The following METTL6 variants were observed in gnomAD, a reference collection of about 807,000 sequenced individuals.
The protein encoded by METTL6 is tRNA N(3)-cytidine methyltransferase METTL6.
In METTL6, 22 loss-of-function variants were observed where a neutral mutation model predicts 26.4. That is an observed-to-expected ratio of 0.83 (90% CI 0.59 to 1.19). The LOEUF is 1.19. Ranked by LOEUF, METTL6 falls within the 50% of genes most tolerant of loss-of-function variation. The pLI is 0.00. For missense variants in METTL6, 304 were observed against 324.8 expected (o/e 0.94, Z 0.49); for synonymous variants, 109 against 116.2 (o/e 0.94, Z 0.40).
intron 4 of METTL6, chr3:15,415,531 G>A (rs767994240): frequency 1.3e-6 from 2 of 1,597,046 alleles, no homozygotes; most frequent in African/African-American, 1.3e-5. Context: ...CCAGGTAACT[G>A]CAAAATCATC....
At chr3:15,415,608 G>A in intron 4 of METTL6, 164 bp downstream of exon 4, 2 of 1,608,728 alleles carry the variant, frequency 1.2e-6, no homozygotes, top group Non-Finnish European at 1.7e-6. Context: ...ATTTAGGGTG[G>A]ATGTTTTATG....
At chr3:15,420,990 G>A (rs2061600495) in intron 3 of METTL6, among the ~76,000 whole-genome samples, 1 of 152,172 alleles carries the variant, frequency 6.6e-6, no homozygotes, top group Non-Finnish European at 1.5e-5. Flanking sequence ...ACTATCCTCT[G>A]GGAGTGACCT....
chr3:15,411,404 T>C lies in METTL6; in HGVS notation c.707A>G (p.Tyr236Cys), dbSNP rs765508193. 1.1e-5 allele frequency: 18 copies of C among 1,614,032 alleles called. No homozygotes were observed. Among genetic ancestry groups the C allele is most frequent in the Non-Finnish European group, 1.4e-5 (17 of 1,180,030 alleles). The part of the protein sequence containing the change: ...FLAQLFMDTG[Y>C]EEVVNEYVFR... ...CACATACTCGTTTACCACTTCTTCA[T>C]AACCTGTGTCCATAAAGAGCTGAGC... Residue 236 changes from tyrosine (Y) to cysteine (C), a missense_variant, in exon 6 of 6, where the codon TAT becomes TGT. Tyr to Cys is a radical substitution (Grantham distance 194). Transcript: ENST00000383790.
intron 6 of METTL6, among the ~76,000 whole-genome samples, chr3:15,396,388 C>T (rs1699488201): frequency 1.3e-5 from 2 of 152,202 alleles, no homozygotes; most frequent in South Asian, 4.1e-4. Context: ...GTTAGCCATT[C>T]GTCTAATCTT....
rs549312965 is a variant in METTL6, at chr3:15,411,386, T to C, written c.725A>G (p.Glu242Gly). 4 of 1,614,148 alleles carry C rather than the reference T, an allele frequency of 2.5e-6. No homozygotes were observed. The highest frequency in any genetic ancestry group is 2.7e-5 in the African/African-American group (2 of 75,030). ...MDTGYEEVVNEYVFRETVNKK... is the reference protein window; with the variant it reads ...MDTGYEEVVNGYVFRETVNKK... ...ATTCACCGTCTCTCGAAACACATAC[T>C]CGTTTACCACTTCTTCATAACCTGT... Residue 242 changes from glutamate to glycine, a missense_variant, in exon 6 of 6, where the codon GAG (glutamate) becomes GGG (glycine). Physicochemically the swap from Glu to Gly is moderately conservative, Grantham distance 98. Transcript: ENST00000383790.
chr3:15,422,029 C>T lies in METTL6; in HGVS notation c.360+2926G>A, dbSNP rs141115494. 2.1e-3 allele frequency among the ~76,000 whole-genome samples: 318 copies of T among 152,054 alleles called. 1 individual carries two copies. Among genetic ancestry groups the T allele is most frequent in the African/African-American group, 6.7e-3 (278 of 41,446 alleles). On this transcript the variant is annotated intron_variant, in intron 3 of 5. Coordinates refer to ENST00000383790, the MANE Select transcript of METTL6 (RefSeq NM_152396.4). ...TAATGTGGCTGAGTGTGGTGGCTCA[C>T]GCTTTTAATCCCAGCACTTTGGGAG...
downstream of METTL6, among the ~76,000 whole-genome samples, chr3:15,406,990 T>C (rs1293972782): frequency 1.3e-5 from 2 of 151,862 alleles, no homozygotes; most frequent in Non-Finnish European, 2.9e-5. Flanking sequence ...GAGGTCGGCA[T>C]GTCATTAAAC....
chr3:15,391,852 T>C (rs1699358062), intron 6 of METTL6, among the ~76,000 whole-genome samples: 1 of 152,188 alleles, frequency 6.6e-6, no homozygotes, highest in South Asian at 2.1e-4. Context: ...GGCTGCATAG[T>C]ATTCCATAGT....
At chr3:15,405,003 A>C (rs531099568), downstream of METTL6, among the ~76,000 whole-genome samples, 319 of 152,346 alleles carry the variant, frequency 2.1e-3, 1 homozygote, top group Non-Finnish European at 3.8e-3. Flanking sequence ...GAAATAGGGA[A>C]CCAAATGCTA....
At chr3:15,396,723 AGGTCTGTTG>A (rs1699499718) in intron 6 of METTL6, among the ~76,000 whole-genome samples, 2 of 152,318 alleles carry the variant, frequency 1.3e-5, no homozygotes, top group African/African-American at 4.8e-5. Context: ...CCTCAGCTAC[AGGTCTGTTG>A]GAGTTTGCCG....
At chr3:15,398,002 C>T (rs1052881664) in intron 6 of METTL6, among the ~76,000 whole-genome samples, 1 of 152,070 alleles carries the variant, frequency 6.6e-6, no homozygotes, top group African/African-American at 2.4e-5. Context: ...GATCATTTCC[C>T]ACATCCCTAT....
rs1575445247 is a variant in METTL6, at chr3:15,426,635, G to A, written c.-124C>T. On this transcript the variant is annotated splice_region_variant and 5_prime_UTR_variant, in exon 2 of 6. Transcript: ENST00000383790. ...TTTCACGCCTCAAACAGCACAGGGG[G>A]CTTCGCAGAGAAAAGAATTAGATTC... The A allele has an allele frequency of 1.6e-5, 13 of 815,970 alleles. No homozygotes were observed. The East Asian group carries it at 3.3e-4, about 21-fold the overall frequency. 50.5% of individuals were successfully genotyped at this position (815,970 alleles called of 1,614,324 possible). A position where few individuals can be genotyped will look rare whatever the true frequency, so the allele number is the denominator to read the frequency against.
chr3:15,381,661 G>A (rs1699085472), exon 7 of METTL6: 1 of 152,176 alleles, frequency 6.6e-6, no homozygotes, highest in South Asian at 2.1e-4. Flanking sequence ...ATAAGCAAAA[G>A]CAGTTAACCT....
chr3:15,422,718 G>A (rs945596794), intron 3 of METTL6, among the ~76,000 whole-genome samples: 1 of 152,134 alleles, frequency 6.6e-6, no homozygotes, highest in Non-Finnish European at 1.5e-5. Flanking sequence ...GATGGGGAAC[G>A]AGATACTTGC....
intron 5 of METTL6, among the ~76,000 whole-genome samples, chr3:15,412,713 C>T (rs1298019142): frequency 2.6e-5 from 4 of 151,838 alleles, no homozygotes; most frequent in Non-Finnish European, 4.4e-5. Flanking sequence ...TGGTCTCGAA[C>T]TCCTGAGCTC....
chr3:15,388,246 G>A (rs751046771), intron 6 of METTL6, among the ~76,000 whole-genome samples: 5 of 152,138 alleles, frequency 3.3e-5, no homozygotes, highest in Non-Finnish European at 7.3e-5. Context: ...GAGTAGCTGG[G>A]ATTACAGGCA....
In METTL6 at chr3:15,413,784, T is replaced by A. The variant is rs1047806570; in HGVS notation, c.673+237A>T. The A allele has an allele frequency of 3.1e-5, 45 of 1,453,938 alleles. No homozygotes were observed. The African/African-American group carries it at 5.0e-4, about 16-fold the overall frequency. 90.1% of individuals were successfully genotyped at this position (1,453,938 alleles called of 1,614,324 possible). Reference sequence around the variant, plus strand: ...CACATGGCATGTCAGAGGCTGTCCATTAACCCAAGCTCATTAGGGGAGTCA... The same window carrying A: ...CACATGGCATGTCAGAGGCTGTCCAATAACCCAAGCTCATTAGGGGAGTCA... On this transcript the variant is annotated intron_variant, in intron 5 of 5. Transcript: ENST00000383790.
intron 4 of METTL6, chr3:15,414,504 C>T (rs535648886): frequency 5.4e-5 from 17 of 314,846 alleles, no homozygotes; most frequent in Admixed American, 3.1e-4. Context: ...TATAGGTGCC[C>T]GCCACCATGC....
At chr3:15,384,967 A>G (rs1183407747) in intron 6 of METTL6, among the ~76,000 whole-genome samples, 5 of 152,208 alleles carry the variant, frequency 3.3e-5, no homozygotes, top group African/African-American at 1.2e-4. Context: ...CTGAAGTGAG[A>G]AAGAGAAGTA....
Sources: gnomAD v4.1 joint callset for allele counts (sites outside exome capture counted in the v4.1 genomes callset) on GRCh38, gnomAD v4.1.1 for gene constraint, MANE v1.5 for transcripts, NCBI Gene and HGNC (gene_info 2026-07-23, HGNC 2026-07-21) for gene names.